AKNA: variants seen among roughly 807,000 people sequenced by gnomAD.
AKNA encodes the protein microtubule organization protein AKNA.
AKNA carries 67 observed loss-of-function variants against 138.8 expected under a neutral mutation model. That is an observed-to-expected ratio of 0.48 (90% CI 0.40 to 0.59). AKNA has a LOEUF of 0.59. Among genes scored for constraint, AKNA ranks in the 20% least tolerant of loss-of-function variants. The pLI is 0.00. For synonymous variants in AKNA, 737 were observed against 754.4 expected (o/e 0.98, Z 0.38); for missense variants, 1,813 against 1,880.4 (o/e 0.96, Z 0.66).
chr9:114,337,053 G>A lies in AKNA; in HGVS notation c.*1C>T. On this transcript the variant is annotated 3_prime_UTR_variant, in exon 22 of 22. Coordinates refer to ENST00000374088, the MANE Select transcript of AKNA (RefSeq NM_001317950.2). ...CATCTGCCTCTGGGCCCCCAGTGAA[G>A]TCAGAAGAGGCAGGAGCCCCGCAGG... The A allele has an allele frequency of 8.9e-7, 1 of 1,118,532 alleles. No homozygotes were observed. Among genetic ancestry groups the A allele is most frequent in the Non-Finnish European group, 1.1e-6 (1 of 876,542 alleles). 69.3% of individuals were successfully genotyped at this position (1,118,532 alleles called of 1,614,324 possible).
At chr9:114,390,871 C>T (rs1834307364), upstream of AKNA, among the ~76,000 whole-genome samples, 1 of 152,230 alleles carries the variant, frequency 6.6e-6, no homozygotes, top group South Asian at 2.1e-4. Context: ...CTCCAGCGTG[C>T]CCTCCTTGGG....
At chr9:114,371,762 C>T (rs891629254) in intron 4 of AKNA, among the ~76,000 whole-genome samples, 10 of 152,188 alleles carry the variant, frequency 6.6e-5, no homozygotes, top group Admixed American at 5.9e-4. Flanking sequence ...GGGTGTCCAG[C>T]GCAACATCCC....
At chr9:114,380,339 A>G (rs1245935591) in intron 2 of AKNA, among the ~76,000 whole-genome samples, 3 of 152,198 alleles carry the variant, frequency 2.0e-5, no homozygotes, top group Non-Finnish European at 2.9e-5. Flanking sequence ...TTAACCATGG[A>G]ATATCCATGG....
chr9:114,347,767 G>A lies in AKNA; in HGVS notation c.3355C>T (p.Arg1119Trp), dbSNP rs769845922. Residue 1119 changes from arginine to tryptophan, a missense_variant, in exon 16 of 22, where the codon CGG (arginine) becomes TGG (tryptophan). By Grantham distance (101) the Arg-to-Trp change is moderately radical. Coordinates refer to ENST00000374088, the MANE Select transcript of AKNA (RefSeq NM_001317950.2). ...CAGGTGGCTGGGGAGTCTGCTGGCCGGCCGCGGGTCCGGGCGGGGCGGTCA... is the reference window on the plus strand; with the variant it reads ...CAGGTGGCTGGGGAGTCTGCTGGCCAGCCGCGGGTCCGGGCGGGGCGGTCA... ...AFDRPARTRG[R>W]PADSPATWGS... 214 of 1,541,910 alleles carry A rather than the reference G, an allele frequency of 1.4e-4. No homozygotes were observed. Among genetic ancestry groups the A allele is most frequent in the Non-Finnish European group, 1.7e-4 (192 of 1,142,650 alleles).
At chr9:114,357,122 C>G (rs1205773560) in intron 12 of AKNA, among the ~76,000 whole-genome samples, 153 bp from the exon 13 acceptor site, 1 of 151,724 alleles carries the variant, frequency 6.6e-6, no homozygotes, top group East Asian at 1.9e-4. Flanking sequence ...AGTGAGGGCT[C>G]TCAGGCTCTC....
At position 114,387,949 on chromosome 9, in the gene AKNA, T is replaced by C. The variant is rs536602925; in HGVS notation, c.-203A>G. The C allele has an allele frequency of 2.3e-4, 103 of 445,318 alleles. No individual in the cohort carries two copies. Among genetic ancestry groups the C allele is most frequent in the African/African-American group, 1.9e-3 (94 of 50,010 alleles). 27.6% of individuals were successfully genotyped at this position (445,318 alleles called of 1,614,324 possible). A position where few individuals can be genotyped will look rare whatever the true frequency, so the allele number is the denominator to read the frequency against. ...TTCCAAACCCAGGGAGCCCCCTGTCTCCATTGCGCCCTGGCCCACCTCCAG... is the reference window on the plus strand; with the variant it reads ...TTCCAAACCCAGGGAGCCCCCTGTCCCCATTGCGCCCTGGCCCACCTCCAG... On this transcript the variant is annotated 5_prime_UTR_variant, in exon 1 of 22. Coordinates refer to ENST00000374088, the MANE Select transcript of AKNA (RefSeq NM_001317950.2).
chr9:114,346,574 G>T, intron 17 of AKNA, 95 bp downstream of exon 17: 1 of 991,602 alleles, frequency 1.0e-6, no homozygotes. Context: ...CCTTCTCCAA[G>T]TTTCCTTGAA....
chr9:114,364,098 A>C (rs1260134841), intron 7 of AKNA, among the ~76,000 whole-genome samples: 1 of 151,820 alleles, frequency 6.6e-6, no homozygotes, highest in African/African-American at 2.4e-5. Context: ...AAAAAAGAAA[A>C]GGCCTTTTTC....
intron 1 of AKNA, among the ~76,000 whole-genome samples, chr9:114,381,821 C>T (rs1425263904): frequency 1.1e-4 from 16 of 151,980 alleles, no homozygotes; most frequent in East Asian, 1.9e-4. Context: ...CCACCACACC[C>T]GGCTAATTTT....
chr9:114,362,901 A>C (rs1397477714), intron 7 of AKNA, among the ~76,000 whole-genome samples: 1 of 152,052 alleles, frequency 6.6e-6, no homozygotes, highest in Middle Eastern at 3.2e-3. Flanking sequence ...TACATGAGAG[A>C]CTCTGGATCC....
At chr9:114,349,048 G>A (rs1006939992) in intron 15 of AKNA, 3 of 441,520 alleles carry the variant, frequency 6.8e-6, no homozygotes, top group African/African-American at 6.0e-5. Context: ...GTAATCCCCA[G>A]GGAGACGCTT....
chr9:114,397,231 T>C (rs1014718272), upstream of AKNA, among the ~76,000 whole-genome samples: 6 of 152,214 alleles, frequency 3.9e-5, no homozygotes, highest in African/African-American at 1.4e-4. Flanking sequence ...TCCGCTCCCC[T>C]GTTTGTTAGT....
chr9:114,342,242 A>C (rs1830407328), intron 19 of AKNA, 117 bp from the exon 20 acceptor site: 4 of 675,502 alleles, frequency 5.9e-6, no homozygotes, highest in Non-Finnish European at 9.7e-6. Context: ...CGGAGGGGAC[A>C]AGCTGCCTCC....
chr9:114,349,883 A>T (rs771200808), intron 15 of AKNA, among the ~76,000 whole-genome samples: 1 of 152,136 alleles, frequency 6.6e-6, no homozygotes, highest in Non-Finnish European at 1.5e-5. Flanking sequence ...ATACTCTTCT[A>T]TCTCTCTTCC....
chr9:114,374,817 T>C (rs1833049943), intron 3 of AKNA, among the ~76,000 whole-genome samples: 1 of 152,194 alleles, frequency 6.6e-6, no homozygotes, highest in Admixed American at 6.5e-5. Context: ...CCATTATGGG[T>C]CAGTAACGGT....
downstream of AKNA, chr9:114,331,905 T>C (rs767367312): frequency 7.4e-6 from 12 of 1,613,738 alleles, no homozygotes; most frequent in Middle Eastern, 1.6e-4. Context: ...CCAGGTCAGA[T>C]GTCATGTACA....
intron 3 of AKNA, 162 bp downstream of exon 3, chr9:114,376,304 C>A (rs773293756): frequency 8.7e-6 from 6 of 687,360 alleles, no homozygotes; most frequent in Non-Finnish European, 1.5e-5. Context: ...GGCCTCCCCA[C>A]CCCACCAGCC....
intron 14 of AKNA, among the ~76,000 whole-genome samples, chr9:114,353,755 G>A (rs1317891287): frequency 6.6e-6 from 1 of 152,134 alleles, no homozygotes. Flanking sequence ...AATACTGTAG[G>A]TATCTGTAAC....
intron 1 of AKNA, among the ~76,000 whole-genome samples, chr9:114,393,423 C>G (rs1160066421): frequency 6.7e-6 from 1 of 148,620 alleles, no homozygotes; most frequent in Non-Finnish European, 1.5e-5. Flanking sequence ...GACAGGGTTT[C>G]ACTGTGTTAG....
Sources: gnomAD v4.1 joint callset for allele counts (sites outside exome capture counted in the v4.1 genomes callset) on GRCh38, gnomAD v4.1.1 for gene constraint, MANE v1.5 for transcripts, NCBI Gene and HGNC (gene_info 2026-07-23, HGNC 2026-07-21) for gene names.